AUTS2: variants seen among roughly 807,000 people sequenced by gnomAD.
AUTS2 encodes the protein autism susceptibility gene 2 protein.
In AUTS2, 17 loss-of-function variants were observed where a neutral mutation model predicts 112.4. That is an observed-to-expected ratio of 0.15 (90% CI 0.10 to 0.23). AUTS2 has a LOEUF of 0.23. AUTS2 is among the 10% of genes least tolerant of loss of function. The probability of loss-of-function intolerance (pLI) is 1.00; values close to 1 mark genes in which losing one functional copy is unlikely to be tolerated. For missense variants in AUTS2, 1,510 were observed against 1,701.6 expected (o/e 0.89, Z 1.98); for synonymous variants, 751 against 702.7 (o/e 1.07, Z -1.09).
At chr7:69,677,914 T>C (rs1796628925) in intron 1 of AUTS2, among the ~76,000 whole-genome samples, 1 of 152,160 alleles carries the variant, frequency 6.6e-6, no homozygotes, top group Non-Finnish European at 1.5e-5. Flanking sequence ...TGAGATTCTA[T>C]TTTGAGTTTT....
intron 2 of AUTS2, among the ~76,000 whole-genome samples, chr7:69,972,062 G>A (rs1300212397): frequency 6.6e-6 from 1 of 152,130 alleles, no homozygotes; most frequent in Non-Finnish European, 1.5e-5. Context: ...CTGTATTAGC[G>A]ATTCCGTTTA....
At chr7:69,735,934 C>T (rs979667302) in intron 1 of AUTS2, among the ~76,000 whole-genome samples, 1 of 152,330 alleles carries the variant, frequency 6.6e-6, no homozygotes, top group African/African-American at 2.4e-5. Flanking sequence ...TCTGTGATCT[C>T]TGCTTCCAAG....
chr7:70,356,152 C>T (rs1009580452), intron 4 of AUTS2, among the ~76,000 whole-genome samples: 1 of 152,166 alleles, frequency 6.6e-6, no homozygotes, highest in African/African-American at 2.4e-5. Context: ...CTCTGGGACC[C>T]TGCTACAGAT....
chr7:69,743,611 TC>T (rs939912356), intron 1 of AUTS2, among the ~76,000 whole-genome samples: 1 of 152,084 alleles, frequency 6.6e-6, no homozygotes, highest in African/African-American at 2.4e-5. Flanking sequence ...CCGTAAAAAT[TC>T]CCTTATCTCT....
At chr7:70,437,499 A>G (rs1424786746) in intron 5 of AUTS2, 1 of 152,182 alleles carries the variant, frequency 6.6e-6, no homozygotes, top group South Asian at 2.1e-4. Flanking sequence ...TTCCAAAAGG[A>G]TAAATCTTAT....
chr7:69,849,795 G>A (rs1792377421), intron 1 of AUTS2, among the ~76,000 whole-genome samples: 1 of 152,058 alleles, frequency 6.6e-6, no homozygotes, highest in African/African-American at 2.4e-5. Context: ...CTACCTAGTA[G>A]TATTCCATGG....
intron 2 of AUTS2, among the ~76,000 whole-genome samples, chr7:70,006,660 G>T (rs1019941515): frequency 6.6e-6 from 1 of 152,088 alleles, no homozygotes; most frequent in Non-Finnish European, 1.5e-5. Flanking sequence ...AACTTCCCCA[G>T]TTCTAAAGAA....
At chr7:70,685,235 G>T (rs1808408727) in intron 5 of AUTS2, among the ~76,000 whole-genome samples, 1 of 152,046 alleles carries the variant, frequency 6.6e-6, no homozygotes, top group Non-Finnish European at 1.5e-5. Flanking sequence ...CACTTTGGGA[G>T]GCTGAGGTAG....
At chr7:69,604,228 A>T (rs926452416) in intron 1 of AUTS2, among the ~76,000 whole-genome samples, 2 of 152,166 alleles carry the variant, frequency 1.3e-5, no homozygotes, top group African/African-American at 4.8e-5. Context: ...GGCTATACAG[A>T]ATTTGGTGTA....
At chr7:69,648,805 A>G (rs751325845) in intron 1 of AUTS2, among the ~76,000 whole-genome samples, 1 of 152,212 alleles carries the variant, frequency 6.6e-6, no homozygotes, top group African/African-American at 2.4e-5. Context: ...GTGAAGATTA[A>G]TATCTGCCAG....
chr7:69,911,118 G>A (rs1795336179), intron 2 of AUTS2, among the ~76,000 whole-genome samples: 1 of 152,252 alleles, frequency 6.6e-6, no homozygotes, highest in Non-Finnish European at 1.5e-5. Flanking sequence ...GAGTGAGCCT[G>A]GGGTATGGCC....
intron 5 of AUTS2, among the ~76,000 whole-genome samples, chr7:70,689,239 T>C (rs1808622491): frequency 6.6e-6 from 1 of 152,112 alleles, no homozygotes; most frequent in Non-Finnish European, 1.5e-5. Context: ...TGCACACCTG[T>C]GGTCCCAGCT....
chr7:70,780,314 T>A (rs1790985983), intron 14 of AUTS2, among the ~76,000 whole-genome samples: 1 of 152,134 alleles, frequency 6.6e-6, no homozygotes, highest in East Asian at 1.9e-4. Context: ...TAAGACCCAA[T>A]TTCTACTGCC....
chr7:70,047,127 A>C (rs1159548116), intron 2 of AUTS2, among the ~76,000 whole-genome samples: 3 of 152,228 alleles, frequency 2.0e-5, no homozygotes, highest in Non-Finnish European at 4.4e-5. Flanking sequence ...TGTCTAGATG[A>C]AATTACCCCA....
chr7:70,625,562 G>T (rs1386348440), intron 5 of AUTS2, among the ~76,000 whole-genome samples: 3 of 152,172 alleles, frequency 2.0e-5, no homozygotes, highest in African/African-American at 7.2e-5. Context: ...TAAGCTCCTT[G>T]AGGATAAAGG....
intron 10 of AUTS2, among the ~76,000 whole-genome samples, chr7:70,770,096 G>A (rs569777621): frequency 7.7e-4 from 117 of 152,156 alleles, no homozygotes; most frequent in Non-Finnish European, 1.5e-3. Context: ...CATATTAGGA[G>A]TTATAGTGGA....
chr7:69,705,146 C>T (rs1195201732), intron 1 of AUTS2, among the ~76,000 whole-genome samples: 3 of 152,222 alleles, frequency 2.0e-5, no homozygotes, highest in Non-Finnish European at 2.9e-5. Context: ...GGATTACAGG[C>T]GTGAGCCATT....
intron 18 of AUTS2, among the ~76,000 whole-genome samples, chr7:70,787,658 C>T (rs991214060): frequency 2.6e-5 from 4 of 152,116 alleles, no homozygotes; most frequent in Admixed American, 6.5e-5. Context: ...CTGTCTCAGT[C>T]GCAGTTATAC....
At chr7:70,571,954 T>G (rs1157926974) in intron 5 of AUTS2, among the ~76,000 whole-genome samples, 2 of 152,196 alleles carry the variant, frequency 1.3e-5, no homozygotes, top group South Asian at 2.1e-4. Context: ...TTAATGACTG[T>G]GTGTTCCACA....
Sources: allele counts gnomAD v4.1 joint callset (sites outside exome capture counted in the v4.1 genomes callset), GRCh38; gene constraint gnomAD v4.1.1; transcripts MANE v1.5; gene names NCBI Gene and HGNC (gene_info 2026-07-23, HGNC 2026-07-21).